Variants in UTRN observed in about 807,000 individuals in gnomAD.
UTRN encodes the protein utrophin, also known as dystrophin-related protein 1.
Under a neutral mutation model 463.9 loss-of-function variants are expected in UTRN, and 283 were observed. The ratio of observed to expected loss-of-function variants is 0.61; its 90% CI spans 0.55 to 0.67. The LOEUF (loss-of-function observed/expected upper bound fraction) is 0.67. UTRN is among the 30% of genes least tolerant of loss of function. UTRN has a pLI of 0.00. For synonymous variants in UTRN, 1,442 were observed against 1,431.5 expected (o/e 1.01, Z -0.17); for missense variants, 3,922 against 4,084.3 (o/e 0.96, Z 1.08).
chr6:144,724,589 C>T (rs370517104), intron 53 of UTRN, among the ~76,000 whole-genome samples: 4 of 152,138 alleles, frequency 2.6e-5, no homozygotes, highest in South Asian at 2.1e-4. Flanking sequence ...CTATCCCTCC[C>T]CTCCCTCCCC....
chr6:144,550,548 G>A (rs907384626), intron 47 of UTRN, among the ~76,000 whole-genome samples: 9 of 152,068 alleles, frequency 5.9e-5, no homozygotes, highest in African/African-American at 2.2e-4. Context: ...CCAACCCTAT[G>A]ACATTAGTTT....
chr6:144,792,345 C>T (rs753502559), intron 62 of UTRN, among the ~76,000 whole-genome samples: 8 of 152,142 alleles, frequency 5.3e-5, no homozygotes, highest in African/African-American at 1.4e-4. Context: ...ATCGGGAGTT[C>T]GAGACTAGCC....
At position 144,766,872 on chromosome 6, in the gene UTRN, CAG is replaced by C. The variant is rs1010657343; in HGVS notation, c.8496-5034_8496-5033del. On this transcript the variant is annotated intron_variant, in intron 58 of 74. Coordinates refer to ENST00000367545, the MANE Select transcript of UTRN (RefSeq NM_007124.3). ...ATAGTCTTCTTGAGAGAGGGGTTGACAGTGCAGCACAGGAAATTTTTAAGAAA... is the reference window on the plus strand; with the variant it reads ...ATAGTCTTCTTGAGAGAGGGGTTGACTGCAGCACAGGAAATTTTTAAGAAA... 1.4e-3 allele frequency among the ~76,000 whole-genome samples: 213 copies of C among 152,032 alleles called. 1 individual carries two copies. Among genetic ancestry groups the C allele is most frequent in the African/African-American group, 4.7e-3 (197 of 41,478 alleles).
chr6:144,836,046 T>A (rs1359965143), intron 70 of UTRN, 108 bp downstream of exon 70: 2 of 1,500,668 alleles, frequency 1.3e-6, no homozygotes, highest in Admixed American at 2.2e-5. Context: ...GAAATCTCAG[T>A]GGAGTGAAAA....
chr6:144,465,143 A>G (rs981184089), intron 23 of UTRN, among the ~76,000 whole-genome samples: 1 of 152,206 alleles, frequency 6.6e-6, no homozygotes, highest in Non-Finnish European at 1.5e-5. Context: ...CAGATGAAAC[A>G]TTCCCCATCT....
At position 144,690,074 on chromosome 6, in the gene UTRN, G is replaced by GTTTTTTTTTTTTTT. The variant is rs1554339291; in HGVS notation, c.7653-10004_7653-9991dup. Among the ~76,000 whole-genome samples, 11 of 31,276 alleles carry GTTTTTTTTTTTTTT rather than the reference G, an allele frequency of 3.5e-4. 4 individuals are homozygous for GTTTTTTTTTTTTTT. Among genetic ancestry groups the GTTTTTTTTTTTTTT allele is most frequent in the East Asian group, 4.5e-3 (2 of 444 alleles). The allele number at this position is 31,276 out of a possible 152,430, so 20.5% of individuals were successfully genotyped here. On this transcript the variant is annotated intron_variant, in intron 52 of 74. Coordinates refer to ENST00000367545, the MANE Select transcript of UTRN (RefSeq NM_007124.3). ...GGCCATAGAGCTCCCAAAAGTTTCT[G>GTTTTTTTTTTTTTT]TTTTTTTTTTTTTTTTTTTTTTGTG...
intron 51 of UTRN, among the ~76,000 whole-genome samples, chr6:144,653,608 ATC>A (rs1779046747): frequency 6.6e-6 from 1 of 151,530 alleles, no homozygotes; most frequent in Admixed American, 6.6e-5. Flanking sequence ...AAAAGAAATT[ATC>A]TCTCTTTTCC....
intron 3 of UTRN, among the ~76,000 whole-genome samples, chr6:144,418,985 C>A (rs1012222435): frequency 7.9e-5 from 12 of 152,098 alleles, no homozygotes; most frequent in African/African-American, 2.9e-4. Flanking sequence ...CCTATATAAC[C>A]CCATTTGTTT....
At chr6:144,551,672 C>T (rs1798930932) in intron 48 of UTRN, among the ~76,000 whole-genome samples, 1 of 152,204 alleles carries the variant, frequency 6.6e-6, no homozygotes, top group Non-Finnish European at 1.5e-5. Context: ...ACAAACCCTT[C>T]TTAGTGGGAA....
chr6:144,621,105 G>A (rs1382560086), intron 51 of UTRN, among the ~76,000 whole-genome samples: 1 of 152,162 alleles, frequency 6.6e-6, no homozygotes, highest in Admixed American at 6.6e-5. Flanking sequence ...CAAAATGAGA[G>A]TAATTAATGG....
At chr6:144,663,239 GCCAGCAA>G (rs1402571258) in intron 51 of UTRN, among the ~76,000 whole-genome samples, 3 of 152,112 alleles carry the variant, frequency 2.0e-5, no homozygotes, top group Non-Finnish European at 4.4e-5. Context: ...AGATGTGCCT[GCCAGCAA>G]GCAGGTCCTA....
intron 2 of UTRN, among the ~76,000 whole-genome samples, chr6:144,378,053 G>A (rs986802503): frequency 1.3e-5 from 2 of 152,128 alleles, no homozygotes; most frequent in African/African-American, 4.8e-5. Context: ...TATTATACCA[G>A]CTTTTCTTCT....
chr6:144,435,016 G>A (rs1786396667), intron 9 of UTRN, among the ~76,000 whole-genome samples: 1 of 152,170 alleles, frequency 6.6e-6, no homozygotes, highest in Non-Finnish European at 1.5e-5. Context: ...TTTGGCAATG[G>A]GAAGGTTATT....
intron 62 of UTRN, among the ~76,000 whole-genome samples, chr6:144,790,790 T>C (rs1388639904): frequency 6.6e-6 from 1 of 152,194 alleles, no homozygotes; most frequent in Admixed American, 6.5e-5. Context: ...AAATTAGAAA[T>C]GGATTTTTTA....
At chr6:144,587,728 C>T (rs1802608744) in intron 51 of UTRN, among the ~76,000 whole-genome samples, 1 of 152,046 alleles carries the variant, frequency 6.6e-6, no homozygotes, top group South Asian at 2.1e-4. Flanking sequence ...TGATCCAGGG[C>T]AATGGAGATT....
chr6:144,648,025 A>G (rs1778451863), intron 51 of UTRN, among the ~76,000 whole-genome samples: 1 of 152,228 alleles, frequency 6.6e-6, no homozygotes, highest in Non-Finnish European at 1.5e-5. Flanking sequence ...CTTACTTAAC[A>G]TTAACACAAC....
Position 144,451,418 on chromosome 6 carries a change from A to C in UTRN, c.2121A>C (p.Lys707Asn). The change falls in exon 18 of 75, where the codon AAA (lysine) becomes AAC (asparagine). Residue 707 changes from lysine to asparagine, a missense_variant. By Grantham distance (94) the Lys-to-Asn change is moderately conservative (BLOSUM62 0). This residue lies in a region of UTRN where 2,349 missense variants were observed against 2,303.8 expected (regional missense o/e 1.02). Coordinates refer to ENST00000367545, the MANE Select transcript of UTRN (RefSeq NM_007124.3). ...TGTTGAACTGGATTTTGAAATGGAA[A>C]ACTGCCATTCAGACCACAGAGATAA... ...AELLNWILKWKTAIQTTEIKE... is the reference protein window; with the variant it reads ...AELLNWILKWNTAIQTTEIKE... The C allele has an allele frequency of 1.2e-6, 2 of 1,613,544 alleles. No individual in the cohort carries two copies. Among genetic ancestry groups the C allele is most frequent in the Non-Finnish European group, 1.7e-6 (2 of 1,179,864 alleles).
rs185915586 is a variant in UTRN at position 144,288,234 on chromosome 6, T to C, written c.-93+2413T>C. On this transcript the variant is annotated intron_variant, in intron 1 of 74. Transcript: ENST00000367545. ...CTTTGCAACCTGTAAGGGATTTTCA[T>C]TATCAAGAAGAGAAAAATTTGAAAA... Among the ~76,000 whole-genome samples, 211 of 152,334 alleles carry C rather than the reference T, an allele frequency of 1.4e-3. 1 individual carries two copies. Among genetic ancestry groups the C allele is most frequent in the African/African-American group, 4.9e-3 (205 of 41,576 alleles).
At chr6:144,642,937 A>T (rs751675462) in intron 51 of UTRN, among the ~76,000 whole-genome samples, 1 of 152,170 alleles carries the variant, frequency 6.6e-6, no homozygotes, top group Non-Finnish European at 1.5e-5. Flanking sequence ...CTGAGTTTAC[A>T]TAAACTTTTT....
Sources: allele counts gnomAD v4.1 joint callset (sites outside exome capture counted in the v4.1 genomes callset), GRCh38; gene constraint gnomAD v4.1.1; regional missense constraint gnomAD v4.1.1; transcripts MANE v1.5; gene names NCBI Gene and HGNC (gene_info 2026-07-23, HGNC 2026-07-21).